Variants in ZNF676 observed in about 807,000 individuals in gnomAD.
ZNF676 encodes zinc finger protein 676.
A neutral mutation model predicts 6.0 loss-of-function variants in ZNF676; 4 were observed. The ratio of observed to expected loss-of-function variants is 0.67; its 90% CI spans 0.33 to 1.53. ZNF676 has a LOEUF of 1.53. ZNF676 is among the 40% of genes most tolerant of loss of function. ZNF676 has a pLI of 0.06. For synonymous variants in ZNF676, 198 were observed against 223.1 expected (o/e 0.89, Z 1.00); for missense variants, 644 against 679.7 (o/e 0.95, Z 0.58).
the ZNF676 span, among the ~76,000 whole-genome samples, chr19:22,231,160 T>C: frequency 4.6e-5 from 7 of 152,154 alleles, no homozygotes; most frequent in African/African-American, 1.7e-4. Context: ...AATGTAGTTA[T>C]ATCTTTTAGA....
the ZNF676 span, among the ~76,000 whole-genome samples, chr19:22,241,671 C>T: frequency 6.6e-6 from 1 of 151,712 alleles, no homozygotes; most frequent in African/African-American, 2.4e-5. Context: ...AGAATTTGCT[C>T]TGAGACCTCC....
At chr19:22,255,516 G>A in the ZNF676 span, among the ~76,000 whole-genome samples, 1 of 152,128 alleles carries the variant, frequency 6.6e-6, no homozygotes, top group Admixed American at 6.6e-5. Context: ...GGTTCAGATA[G>A]GAGAGCCCTC....
At chr19:22,187,194 T>G (rs2023850768) in intron 2 of ZNF676, among the ~76,000 whole-genome samples, 4 of 152,064 alleles carry the variant, frequency 2.6e-5, no homozygotes, top group Non-Finnish European at 5.9e-5. Flanking sequence ...TGCAATCAAA[T>G]TAGAACTCAG....
At chr19:22,243,664 G>A in the ZNF676 span, 1 of 149,936 alleles carries the variant, frequency 6.7e-6, no homozygotes, top group African/African-American at 2.5e-5. Flanking sequence ...AAAAGTCACA[G>A]TCTGCTCTGA....
chr19:22,213,977 A>G (rs1488934630), intron 1 of ZNF676, among the ~76,000 whole-genome samples: 1 of 152,238 alleles, frequency 6.6e-6, no homozygotes, highest in Non-Finnish European at 1.5e-5. Flanking sequence ...GAAGAAAAAA[A>G]CATTTACAAA....
At chr19:22,218,713 G>A, upstream of ZNF676, among the ~76,000 whole-genome samples, 1 of 152,068 alleles carries the variant, frequency 6.6e-6, no homozygotes, top group East Asian at 1.9e-4. Flanking sequence ...CAATAGAATA[G>A]GGTGTTATTT....
chr19:22,234,976 GA>G, the ZNF676 span, among the ~76,000 whole-genome samples: 2 of 65,714 alleles, frequency 3.0e-5, no homozygotes, highest in African/African-American at 7.1e-5. Flanking sequence ...AAGAAAGAAA[GA>G]AAGAAAGAAA....
In ZNF676 at chr19:22,196,654, G is replaced by A. The variant is rs756485107; in HGVS notation, c.-21C>T. 6.2e-7 allele frequency: 1 copy of A among 1,613,668 alleles called. No individual in the cohort carries two copies. The highest frequency in any genetic ancestry group is 1.7e-5 in the Admixed American group (1 of 59,988). ...AACATCACATTCCTATATAAATTCTGCTGTGTAGAATCCAGGCATTGCCAC... is the reference window on the plus strand; with the variant it reads ...AACATCACATTCCTATATAAATTCTACTGTGTAGAATCCAGGCATTGCCAC... On this transcript the variant is annotated 5_prime_UTR_variant, in exon 1 of 3. Transcript: ENST00000397121.
At chr19:22,253,415 TATG>T in the ZNF676 span, among the ~76,000 whole-genome samples, 2 of 57,664 alleles carry the variant, frequency 3.5e-5, no homozygotes, top group African/African-American at 1.1e-4. Context: ...TATATATATA[TATG>T]ATAATGTATA....
chr19:22,199,139 C>T (rs2023999934), upstream of ZNF676, among the ~76,000 whole-genome samples: 1 of 152,108 alleles, frequency 6.6e-6, no homozygotes, highest in South Asian at 2.1e-4. Context: ...CTCTAAGGAG[C>T]TTATAAATGA....
intron 1 of ZNF676, among the ~76,000 whole-genome samples, chr19:22,209,674 C>T (rs1222223729): frequency 2.0e-5 from 3 of 152,074 alleles, no homozygotes; most frequent in Non-Finnish European, 2.9e-5. Context: ...AAAAATCCCT[C>T]GATTGGAGAG....
chr19:22,188,305 T>C (rs1357774377), intron 2 of ZNF676, among the ~76,000 whole-genome samples: 1 of 152,112 alleles, frequency 6.6e-6, no homozygotes, highest in Non-Finnish European at 1.5e-5. Context: ...TTTGACAAAA[T>C]TCAACACCTT....
At chr19:22,248,101 T>C in the ZNF676 span, among the ~76,000 whole-genome samples, 1 of 152,104 alleles carries the variant, frequency 6.6e-6, no homozygotes, top group Non-Finnish European at 1.5e-5. Flanking sequence ...GGCTGCATAG[T>C]ATTCCATGGT....
upstream of ZNF676, among the ~76,000 whole-genome samples, chr19:22,200,078 A>G (rs2024008728): frequency 6.6e-6 from 1 of 152,110 alleles, no homozygotes; most frequent in African/African-American, 2.4e-5. Flanking sequence ...TGTAGAGCCA[A>G]TGTACAATTC....
chr19:22,233,088 G>A, the ZNF676 span, among the ~76,000 whole-genome samples: 1 of 152,148 alleles, frequency 6.6e-6, no homozygotes, highest in Non-Finnish European at 1.5e-5. Context: ...AAGTAAAAAT[G>A]TAGACTAATA....
chr19:22,215,522 A>G (rs2024175433), intron 1 of ZNF676: 4 of 1,317,016 alleles, frequency 3.0e-6, no homozygotes, highest in Non-Finnish European at 4.3e-6. Context: ...CTAGGCAAGG[A>G]GAACTTGTGG....
At chr19:22,228,179 G>A in the ZNF676 span, among the ~76,000 whole-genome samples, 1 of 152,132 alleles carries the variant, frequency 6.6e-6, no homozygotes, top group Non-Finnish European at 1.5e-5. Context: ...CTTCATCCCT[G>A]GGATGCATGG....
upstream of ZNF676, among the ~76,000 whole-genome samples, chr19:22,216,677 T>A (rs1313383713): frequency 1.3e-5 from 2 of 151,322 alleles, no homozygotes; most frequent in East Asian, 2.0e-4. Context: ...CAGGCTAGAG[T>A]GCAATGGCAT....
chr19:22,242,846 G>T, the ZNF676 span, among the ~76,000 whole-genome samples: 14 of 150,270 alleles, frequency 9.3e-5, no homozygotes, highest in South Asian at 2.1e-4. Flanking sequence ...CCCAAGTTGG[G>T]GGGGGGCTCT....
Sources: allele counts gnomAD v4.1 joint callset (sites outside exome capture counted in the v4.1 genomes callset), GRCh38; gene constraint gnomAD v4.1.1; transcripts MANE v1.5; gene names NCBI Gene and HGNC (gene_info 2026-07-23, HGNC 2026-07-21).